The following ASTN2 variants were observed in gnomAD, a reference collection of about 807,000 sequenced individuals.
ASTN2 encodes astrotactin-2.
Under a neutral mutation model 139.8 loss-of-function variants are expected in ASTN2, and 54 were observed. The observed-to-expected ratio is 0.39, with a 90% CI of 0.31 to 0.48. The LOEUF (loss-of-function observed/expected upper bound fraction) is 0.48. ASTN2 is among the 20% of genes least tolerant of loss of function. ASTN2 has a pLI of 0.95. For missense variants in ASTN2, 1,565 were observed against 1,725.1 expected (o/e 0.91, Z 1.64); for synonymous variants, 756 against 719.5 (o/e 1.05, Z -0.81).
chr9:116,425,518 A>G lies in ASTN2; in HGVS notation c.*333T>C. On this transcript the variant is annotated 3_prime_UTR_variant, in exon 23 of 23. Transcript: ENST00000313400. ...GCAGAGTGTGGCAGGAAGAAGGAAGAAGAGCAAAGGCCGCTTGGTCTCCAC... is the reference window on the plus strand; with the variant it reads ...GCAGAGTGTGGCAGGAAGAAGGAAGGAGAGCAAAGGCCGCTTGGTCTCCAC... The G allele has an allele frequency of 6.4e-7, 1 of 1,559,804 alleles. No homozygotes were observed.
chr9:116,664,424 A>AAT lies in ASTN2; in HGVS notation c.2807-12633_2807-12632dup, dbSNP rs746322618. 3.7e-4 allele frequency among the ~76,000 whole-genome samples: 55 copies of AAT among 147,630 alleles called. 1 individual carries two copies. The highest frequency in any genetic ancestry group is 2.7e-3 in the East Asian group (14 of 5,112). On this transcript the variant is annotated intron_variant, in intron 16 of 22. Coordinates refer to ENST00000313400, the MANE Select transcript of ASTN2 (RefSeq NM_001365068.1). ...CTCTCTTTTGTATAGAAATATATAT[A>AAT]ATATATATATATGTATATGTATATA...
chr9:116,547,600 C>A (rs533845371), intron 19 of ASTN2: 1 of 152,282 alleles, frequency 6.6e-6, no homozygotes, highest in Non-Finnish European at 1.5e-5. Context: ...GTGAAGTGGG[C>A]AAACCAATCA....
At chr9:116,729,193 C>T (rs1828712823) in intron 14 of ASTN2, 97 bp from the exon 15 acceptor site, 2 of 887,784 alleles carry the variant, frequency 2.3e-6, no homozygotes, top group Non-Finnish European at 3.5e-6. Context: ...AAACAGACAC[C>T]TCTTTGAAGT....
At chr9:117,044,104 C>T (rs1482336114) in intron 5 of ASTN2, among the ~76,000 whole-genome samples, 1 of 151,982 alleles carries the variant, frequency 6.6e-6, no homozygotes, top group African/African-American at 2.4e-5. Context: ...ACATAGTAGG[C>T]CCTTGGTAAA....
At chr9:116,451,303 TA>T (rs1848165802) in intron 20 of ASTN2, among the ~76,000 whole-genome samples, 1 of 152,234 alleles carries the variant, frequency 6.6e-6, no homozygotes, top group Non-Finnish European at 1.5e-5. Flanking sequence ...TAAATACATA[TA>T]AATTCATTTA....
chr9:116,523,817 C>T (rs558457543), intron 19 of ASTN2, among the ~76,000 whole-genome samples: 126 of 152,094 alleles, frequency 8.3e-4, no homozygotes, highest in Non-Finnish European at 1.4e-3. Context: ...GTTCATGGGC[C>T]TTACTTCACA....
At chr9:116,869,901 C>T (rs1185602284) in intron 10 of ASTN2, among the ~76,000 whole-genome samples, 5 of 151,146 alleles carry the variant, frequency 3.3e-5, no homozygotes, top group Non-Finnish European at 5.9e-5. Context: ...CCCAGGAGTT[C>T]AAGACCAGCC....
At chr9:117,376,144 A>G (rs1366797919) in intron 1 of ASTN2, among the ~76,000 whole-genome samples, 1 of 152,198 alleles carries the variant, frequency 6.6e-6, no homozygotes, top group Non-Finnish European at 1.5e-5. Flanking sequence ...GGATATGGAC[A>G]TCTTTGGGGG....
chr9:117,026,683 C>T (rs1838095748), intron 6 of ASTN2, among the ~76,000 whole-genome samples: 3 of 138,902 alleles, frequency 2.2e-5, no homozygotes, highest in Non-Finnish European at 4.5e-5. Context: ...GCTTAGGCAA[C>T]CTCAGATTCA....
At chr9:117,388,052 C>T (rs1290952413) in intron 1 of ASTN2, among the ~76,000 whole-genome samples, 1 of 152,178 alleles carries the variant, frequency 6.6e-6, no homozygotes, top group African/African-American at 2.4e-5. Flanking sequence ...TCACCCTTCC[C>T]TCAGCCAGAG....
At chr9:116,465,216 C>T (rs1357803333) in intron 20 of ASTN2, among the ~76,000 whole-genome samples, 1 of 152,196 alleles carries the variant, frequency 6.6e-6, no homozygotes, top group African/African-American at 2.4e-5. Flanking sequence ...TTGATTGTTG[C>T]TTTGAACTCA....
At chr9:117,134,266 TTATATATATATATATATATATA>T (rs5900267) in intron 4 of ASTN2, among the ~76,000 whole-genome samples, 5 of 92,614 alleles carry the variant, frequency 5.4e-5, no homozygotes, top group South Asian at 8.1e-4. Flanking sequence ...CTAATGAAAA[TTATATATATATATATATATATA>T]TATATATACA....
intron 10 of ASTN2, among the ~76,000 whole-genome samples, chr9:116,963,387 A>C (rs1465375262): frequency 6.6e-6 from 1 of 152,200 alleles, no homozygotes; most frequent in Non-Finnish European, 1.5e-5. Context: ...GGGAGATGAG[A>C]TCAGAGGGTA....
chr9:117,126,868 GC>G (rs1477494155), intron 4 of ASTN2, among the ~76,000 whole-genome samples: 2 of 152,208 alleles, frequency 1.3e-5, no homozygotes, highest in East Asian at 3.8e-4. Context: ...CAGTCTCAGG[GC>G]TGAGCATAGT....
intron 7 of ASTN2, among the ~76,000 whole-genome samples, chr9:117,003,961 T>C (rs1466228712): frequency 6.3e-4 from 95 of 149,826 alleles, no homozygotes; most frequent in South Asian, 2.5e-3. Flanking sequence ...CGCGTGTGTG[T>C]GTGTGTGTGT....
intron 22 of ASTN2, among the ~76,000 whole-genome samples, chr9:116,439,538 A>C (rs1023455510): frequency 6.6e-6 from 1 of 152,224 alleles, no homozygotes; most frequent in Non-Finnish European, 1.5e-5. Flanking sequence ...ATAAGAAAGA[A>C]ATACCAAATA....
chr9:116,440,826 G>T, intron 21 of ASTN2, 34 bp from the exon 22 acceptor site: 1 of 1,587,748 alleles, frequency 6.3e-7, no homozygotes, highest in Middle Eastern at 1.7e-4. Flanking sequence ...CAGATCACTG[G>T]GTGGTGAAAA....
rs1472373607 is a variant in ASTN2 at position 117,414,256 on chromosome 9, G to A, written c.442+241C>T. On this transcript the variant is annotated intron_variant, in intron 1 of 22. Transcript: ENST00000313400. The surrounding 1 kb of genome is among the most constrained non-coding windows in gnomAD (Gnocchi z 4.2). The stretch of plus-strand genomic sequence containing the variant: ...CCAGGTCGGGACTGAGAGGCAGAGG[G>A]GCAGGTTCCCACTGCGGGAGGGTTG... Among the ~76,000 whole-genome samples the A allele has an allele frequency of 6.6e-6, 1 of 152,096 alleles. No homozygotes were observed. The highest frequency in any genetic ancestry group is 1.5e-5 in the Non-Finnish European group (1 of 67,998).
At chr9:117,099,306 G>A (rs993137295) in intron 4 of ASTN2, among the ~76,000 whole-genome samples, 12 of 152,124 alleles carry the variant, frequency 7.9e-5, no homozygotes, top group African/African-American at 2.9e-4. Context: ...TCTTCCCACA[G>A]CCCCTTGGAT....
Sources: gnomAD v4.1 joint callset for allele counts (sites outside exome capture counted in the v4.1 genomes callset) on GRCh38, gnomAD v4.1.1 for gene constraint, Gnocchi (gnomAD v3.1) non-coding constraint, MANE v1.5 for transcripts, NCBI Gene and HGNC (gene_info 2026-07-23, HGNC 2026-07-21) for gene names.